Variants in NRXN3 observed in about 807,000 individuals in gnomAD.
NRXN3 encodes neurexin III.
NRXN3 carries 32 observed loss-of-function variants against 137.6 expected under a neutral mutation model. The observed-to-expected ratio is 0.23, with a 90% CI of 0.18 to 0.31. NRXN3 has a LOEUF of 0.31. NRXN3 is among the 10% of genes least tolerant of loss of function. The probability of loss-of-function intolerance (pLI) is 1.00; values close to 1 mark genes in which losing one functional copy is unlikely to be tolerated. For missense variants in NRXN3, 1,574 were observed against 2,062.5 expected, an observed-to-expected ratio of 0.76 and a Z score of 4.59; for synonymous variants, 798 against 784.5, an observed-to-expected ratio of 1.02 and a Z score of -0.29.
intron 3 of NRXN3, among the ~76,000 whole-genome samples, chr14:78,280,559 C>T (rs1384639312): frequency 6.6e-6 from 1 of 152,108 alleles, no homozygotes; most frequent in African/African-American, 2.4e-5. Context: ...AGAGAAGTGA[C>T]CAGGGGTCAC....
At chr14:79,445,304 C>T (rs1434939071) in intron 15 of NRXN3, among the ~76,000 whole-genome samples, 1 of 150,422 alleles carries the variant, frequency 6.6e-6, no homozygotes, top group Non-Finnish European at 1.5e-5. Flanking sequence ...CACGCCACTG[C>T]ACTCCAGCCT....
At chr14:78,975,836 C>T (rs1366981727) in intron 14 of NRXN3, among the ~76,000 whole-genome samples, 1 of 152,182 alleles carries the variant, frequency 6.6e-6, no homozygotes, top group African/African-American at 2.4e-5. Context: ...TGTATTTTCA[C>T]ATTATGACAA....
intron 20 of NRXN3, among the ~76,000 whole-genome samples, chr14:79,828,244 G>A (rs1372829794): frequency 6.6e-6 from 1 of 152,186 alleles, no homozygotes; most frequent in Non-Finnish European, 1.5e-5. Flanking sequence ...TACTGCTCCT[G>A]GGAGGAAAGG....
chr14:78,876,324 A>T (rs1483777392), intron 10 of NRXN3, among the ~76,000 whole-genome samples: 1 of 152,208 alleles, frequency 6.6e-6, no homozygotes, highest in Non-Finnish European at 1.5e-5. Context: ...GACTTGATGT[A>T]AAGGAGGAAA....
intron 4 of NRXN3, among the ~76,000 whole-genome samples, chr14:78,513,548 G>A (rs969650012): frequency 1.1e-4 from 16 of 152,094 alleles, no homozygotes; most frequent in African/African-American, 3.6e-4. Flanking sequence ...CATTCTATGA[G>A]ACACAGGAAC....
intron 15 of NRXN3, among the ~76,000 whole-genome samples, chr14:79,304,541 G>A (rs545149134): frequency 6.6e-6 from 1 of 152,168 alleles, no homozygotes; most frequent in East Asian, 1.9e-4. Context: ...TGAGAACTAA[G>A]CTATTATAAA....
chr14:79,215,175 A>C (rs2068282490), intron 15 of NRXN3, among the ~76,000 whole-genome samples: 1 of 152,144 alleles, frequency 6.6e-6, no homozygotes, highest in South Asian at 2.1e-4. Context: ...AGAAAGCTCT[A>C]TTTTGTAGTT....
rs997686786 is a variant in NRXN3, at chr14:79,727,428, G to A, written c.4014+29491G>A. ...CCTCTCAAGATCTACCCAGTGGTTCGTTGCCCCTTGGGATCACTTCTACTT... is the reference window on the plus strand; with the variant it reads ...CCTCTCAAGATCTACCCAGTGGTTCATTGCCCCTTGGGATCACTTCTACTT... On this transcript the variant is annotated intron_variant, in intron 19 of 20. Coordinates refer to ENST00000335750, the MANE Select transcript of NRXN3 (RefSeq NM_001330195.2). Among the ~76,000 whole-genome samples, 5 of 152,114 alleles carry A rather than the reference G, an allele frequency of 3.3e-5. No individual in the cohort carries two copies. In the East Asian group the frequency reaches 5.8e-4, roughly 18 times the overall value.
rs1160093313 is a variant in NRXN3, at chr14:78,275,871, A to G, written c.710-2774A>G. Among the ~76,000 whole-genome samples, 4 of 152,130 alleles carry G rather than the reference A, an allele frequency of 2.6e-5. 1 individual carries two copies. The East Asian group carries it at 7.7e-4, about 29-fold the overall frequency. ...GGATGCTGGATAGACAGTCTGGCAG[A>G]TAGACACTGCTAAGGTTTTGATCCT... is the stretch of plus-strand genomic sequence containing the variant. On this transcript the variant is annotated intron_variant, in intron 2 of 20. Coordinates refer to ENST00000335750, the MANE Select transcript of NRXN3 (RefSeq NM_001330195.2).
In NRXN3 at chr14:78,709,136, T is replaced by A. The variant is rs758665416; in HGVS notation, c.1222-81T>A. 5.5e-4 allele frequency: 752 copies of A among 1,372,278 alleles called. 1 individual carries two copies. Among genetic ancestry groups the A allele is most frequent in the Non-Finnish European group, 6.9e-4 (697 of 1,004,820 alleles). The allele number at this position is 1,372,278 out of a possible 1,614,324, so 85.0% of individuals were successfully genotyped here. A position where few individuals can be genotyped will look rare whatever the true frequency, so the allele number is the denominator to read the frequency against. On this transcript the variant is annotated intron_variant, in intron 6 of 20. Coordinates refer to ENST00000335750, the MANE Select transcript of NRXN3 (RefSeq NM_001330195.2). ...GTCCTGAAGCCTCTTTTTGGGTCATTTTTCCAGGTGCCCAGTGAGTGATGG... is the reference window on the plus strand; with the variant it reads ...GTCCTGAAGCCTCTTTTTGGGTCATATTTCCAGGTGCCCAGTGAGTGATGG...
At chr14:79,539,063 T>C (rs1324438509) in intron 16 of NRXN3, among the ~76,000 whole-genome samples, 1 of 152,206 alleles carries the variant, frequency 6.6e-6, no homozygotes, top group Admixed American at 6.5e-5. Flanking sequence ...TTTTGTTTGT[T>C]GGTTGGTTGG....
At chr14:79,577,432 T>C (rs1044547350) in intron 16 of NRXN3, among the ~76,000 whole-genome samples, 3 of 152,206 alleles carry the variant, frequency 2.0e-5, no homozygotes, top group African/African-American at 7.2e-5. Context: ...ATTTGGAATA[T>C]TTTTAGTTTT....
chr14:79,584,902 C>T (rs1281343466), intron 16 of NRXN3, among the ~76,000 whole-genome samples: 1 of 152,120 alleles, frequency 6.6e-6, no homozygotes, highest in Non-Finnish European at 1.5e-5. Flanking sequence ...ATGTGGCCTC[C>T]CAAACAAAAG....
chr14:79,463,600 A>G (rs1299257826), intron 15 of NRXN3, among the ~76,000 whole-genome samples: 3 of 152,226 alleles, frequency 2.0e-5, no homozygotes, highest in African/African-American at 7.2e-5. Context: ...TCAGCAAAGC[A>G]ACCTCAGCTG....
intron 15 of NRXN3, among the ~76,000 whole-genome samples, chr14:79,094,845 T>C (rs2049935396): frequency 1.3e-5 from 2 of 151,636 alleles, no homozygotes; most frequent in African/African-American, 4.9e-5. Flanking sequence ...TGGGGTAGAG[T>C]TGAAAGCAAT....
At chr14:79,038,416 C>CT (rs1336419966) in intron 15 of NRXN3, among the ~76,000 whole-genome samples, 2 of 151,970 alleles carry the variant, frequency 1.3e-5, no homozygotes, top group African/African-American at 2.4e-5. Context: ...AAATGGATTG[C>CT]TTTTTCAATT....
chr14:78,563,918 T>C (rs754796531), intron 4 of NRXN3, among the ~76,000 whole-genome samples: 19 of 152,294 alleles, frequency 1.2e-4, no homozygotes, highest in Middle Eastern at 3.4e-3. Flanking sequence ...ATGTTTCCAT[T>C]CTGTGAAAGT....
chr14:78,297,990 G>A (rs1297234423), intron 4 of NRXN3, 130 bp downstream of exon 4: 12 of 1,041,042 alleles, frequency 1.2e-5, no homozygotes, highest in African/African-American at 1.6e-5. Context: ...GGCCAGGCTG[G>A]CTGCAGGACC....
At chr14:79,376,728 G>A (rs1483303078) in intron 15 of NRXN3, among the ~76,000 whole-genome samples, 2 of 152,140 alleles carry the variant, frequency 1.3e-5, no homozygotes, top group Non-Finnish European at 2.9e-5. Context: ...TCTCTTTAAA[G>A]CCTGGGAGCT....
Sources: allele counts gnomAD v4.1 joint callset (sites outside exome capture counted in the v4.1 genomes callset), GRCh38; gene constraint gnomAD v4.1.1; transcripts MANE v1.5; gene names NCBI Gene and HGNC (gene_info 2026-07-23, HGNC 2026-07-21).